LFNG: variants seen among roughly 807,000 people sequenced by gnomAD.
LFNG encodes beta-1,3-N-acetylglucosaminyltransferase lunatic fringe.
LFNG carries 15 observed loss-of-function variants against 32.7 expected under a neutral mutation model. The observed-to-expected ratio is 0.46, with a 90% confidence interval of 0.31 to 0.71. The LOEUF (loss-of-function observed/expected upper bound fraction) is 0.71, where lower values mean the gene tolerates loss of function less well. LFNG is among the 30% of genes least tolerant of loss of function. The pLI is 0.06. For missense variants in LFNG, 520 were observed against 545.7 expected (o/e 0.95, Z 0.47); for synonymous variants, 274 against 246.8 (o/e 1.11, Z -1.03).
At position 2,526,239 on chromosome 7, in the gene LFNG, C is replaced by T. The variant is rs373907631; in HGVS notation, c.822-5C>T. ...CTCACTGGTCTGGGCCCTTCCCTCC[C>T]GCAGCGGGGGTCACTTCATGAATAC... is the stretch of plus-strand genomic sequence containing the variant. On this transcript the variant is annotated splice_polypyrimidine_tract_variant and splice_region_variant and intron_variant, in intron 5 of 7. Coordinates refer to ENST00000222725, the MANE Select transcript of LFNG (RefSeq NM_001040167.2). This position sits in a 1 kb window ranked among gnomAD's most constrained non-coding sequence, Gnocchi z 6.9. 97 of 1,612,660 alleles carry T rather than the reference C, an allele frequency of 6.0e-5. No homozygotes were observed. The highest frequency in any genetic ancestry group is 1.8e-4 in the Admixed American group (11 of 60,006).
At position 2,526,758 on chromosome 7, in the gene LFNG, C is replaced by G; in HGVS notation, c.988-78C>G. 1 of 1,390,344 alleles carries G rather than the reference C, an allele frequency of 7.2e-7. No homozygotes were observed. The highest frequency in any genetic ancestry group is 1.2e-5 in the South Asian group (1 of 85,150). 86.1% of individuals were successfully genotyped at this position (1,390,344 alleles called of 1,614,324 possible). A position where few individuals can be genotyped will look rare whatever the true frequency, so the allele number is the denominator to read the frequency against. Reference sequence around the variant, plus strand: ...GCCAGGGCAGGGCCGTTGCCTCACTCAGGGCTGTGTGGCCAGCCTGGGGCG... The same window carrying G: ...GCCAGGGCAGGGCCGTTGCCTCACTGAGGGCTGTGTGGCCAGCCTGGGGCG... On this transcript the variant is annotated intron_variant, in intron 6 of 7. Coordinates refer to ENST00000222725, the MANE Select transcript of LFNG (RefSeq NM_001040167.2). This position sits in a 1 kb window ranked among gnomAD's most constrained non-coding sequence, Gnocchi z 6.9.
At chr7:2,514,655 C>T (rs13245327), upstream of LFNG, among the ~76,000 whole-genome samples, 3,888 of 151,576 alleles carry the variant, frequency 0.026, 66 homozygotes, top group Non-Finnish European at 0.038. Context: ...TCCATCCATC[C>T]GTTAGTCTGT....
chr7:2,525,994 A>G lies in LFNG; in HGVS notation c.821+224A>G, dbSNP rs1037697866. ...CAGAGCAGCCAGGGGGGCGATGAGCACCCCAGGCACCATCCGGCAGGACTC... is the reference window on the plus strand; with the variant it reads ...CAGAGCAGCCAGGGGGGCGATGAGCGCCCCAGGCACCATCCGGCAGGACTC... On this transcript the variant is annotated intron_variant, in intron 5 of 7. Transcript: ENST00000222725. 5.3e-5 allele frequency among the ~76,000 whole-genome samples: 8 copies of G among 151,274 alleles called. No homozygotes were observed. In the East Asian group the frequency reaches 1.2e-3, roughly 22 times the overall value.
intron 5 of LFNG, 46 bp downstream of exon 5, chr7:2,525,816 G>A (rs769524415): frequency 6.5e-5 from 98 of 1,512,676 alleles, no homozygotes; most frequent in East Asian, 1.1e-4. Flanking sequence ...CAGGCTCCTC[G>A]CCACTGTGGG....
upstream of LFNG, among the ~76,000 whole-genome samples, chr7:2,518,394 C>G (rs1467243656): frequency 1.3e-5 from 2 of 152,210 alleles, no homozygotes; most frequent in Non-Finnish European, 1.5e-5. Flanking sequence ...CCACACCACC[C>G]AGCGGGTACA....
rs547817664 is a variant in LFNG, at chr7:2,525,618, G to A, written c.735+51G>A. The A allele has an allele frequency of 1.8e-4, 286 of 1,611,728 alleles. 2 individuals are homozygous for A. In the South Asian group the frequency reaches 2.7e-3, roughly 15 times the overall value. On this transcript the variant is annotated intron_variant, in intron 4 of 7. Coordinates refer to ENST00000222725, the MANE Select transcript of LFNG (RefSeq NM_001040167.2). The stretch of plus-strand genomic sequence containing the variant: ...CCACGCCCACGCGGAGCGCACACCC[G>A]GAGTGGGGGTGGGACCGTGAGGGGC...
chr7:2,512,786 C>T (rs1779525445), intron 1 of LFNG: 1 of 1,189,398 alleles, frequency 8.4e-7, no homozygotes, highest in Non-Finnish European at 1.2e-6. Flanking sequence ...CTATGTCTCC[C>T]CCAGTACCCC....
At chr7:2,522,427 G>T (rs1272561142) in intron 1 of LFNG, among the ~76,000 whole-genome samples, 17 of 152,190 alleles carry the variant, frequency 1.1e-4, no homozygotes, top group Admixed American at 1.1e-3. Flanking sequence ...CTGGCCTTTG[G>T]CCCAGAGGTT....
chr7:2,517,843 C>T, upstream of LFNG: 1 of 1,228,798 alleles, frequency 8.1e-7, no homozygotes, highest in Non-Finnish European at 1.0e-6. Flanking sequence ...GGGACTTTAA[C>T]TCAGCCAGTG....
intron 1 of LFNG, among the ~76,000 whole-genome samples, chr7:2,522,617 C>T (rs1779825824): frequency 6.6e-6 from 1 of 152,214 alleles, no homozygotes; most frequent in Non-Finnish European, 1.5e-5. Flanking sequence ...CTTCCTCCTG[C>T]AGCCCCGTCT....
At chr7:2,512,588 AAGGC>A (rs1355132678) in exon 1 of LFNG, 58 of 1,438,582 alleles carry the variant, frequency 4.0e-5, no homozygotes, top group Non-Finnish European at 5.5e-5. Flanking sequence ...GACAGAGGCC[AAGGC>A]GGCTCCTGGC....
intron 1 of LFNG, 194 bp from the exon 2 acceptor site, chr7:2,524,501 G>A (rs553723931): frequency 6.4e-4 from 416 of 653,198 alleles, no homozygotes; most frequent in Middle Eastern, 2.8e-3. Flanking sequence ...GTGAGCTCTG[G>A]CCCAGATGGC....
At chr7:2,517,250 ATTC>A (rs1450727289), upstream of LFNG, among the ~76,000 whole-genome samples, 3 of 152,086 alleles carry the variant, frequency 2.0e-5, no homozygotes, top group Non-Finnish European at 2.9e-5. Context: ...ACGAAATTCC[ATTC>A]TCCTGACAGC....
At chr7:2,517,712 C>G, upstream of LFNG, 1 of 484,958 alleles carries the variant, frequency 2.1e-6, no homozygotes, top group Non-Finnish European at 4.0e-6. Context: ...AGTCCAGGTA[C>G]AGAGCACAAC....
At chr7:2,521,343 G>A (rs1311263857) in intron 1 of LFNG, among the ~76,000 whole-genome samples, 1 of 152,156 alleles carries the variant, frequency 6.6e-6, no homozygotes, top group Non-Finnish European at 1.5e-5. Context: ...GGGAGGGGGC[G>A]GCGGGGGCCG....
chr7:2,522,073 C>A (rs1210380776), intron 1 of LFNG, among the ~76,000 whole-genome samples: 2 of 152,194 alleles, frequency 1.3e-5, no homozygotes, highest in Non-Finnish European at 2.9e-5. Flanking sequence ...CCCCCTCTCC[C>A]AGCCCTGCAC....
At chr7:2,521,068 G>T (rs925791645) in intron 1 of LFNG, among the ~76,000 whole-genome samples, 11 of 152,222 alleles carry the variant, frequency 7.2e-5, no homozygotes, top group Non-Finnish European at 1.3e-4. Context: ...GAGATGCAGA[G>T]GCATTTGCTG....
chr7:2,529,078 C>T (rs538363200), downstream of LFNG: 9 of 402,476 alleles, frequency 2.2e-5, no homozygotes, highest in East Asian at 2.9e-4. The surrounding 1 kb of genome is among the most constrained non-coding windows in gnomAD (Gnocchi z 4.2). Flanking sequence ...AGAGCAGGAG[C>T]AGTGCCGGAG....
At position 2,525,668 on chromosome 7, in the gene LFNG, C is replaced by A. The variant is rs753324248; in HGVS notation, c.736-17C>A. The stretch of plus-strand genomic sequence containing the variant: ...CAGCAGCGCCTGGGTCTCAGGACAC[C>A]TTCTCCCTTCTCCCAGCGTCCTGTC... On this transcript the variant is annotated splice_polypyrimidine_tract_variant and intron_variant, in intron 4 of 7. Transcript: ENST00000222725. The A allele has an allele frequency of 1.9e-6, 3 of 1,612,290 alleles. No individual in the cohort carries two copies. The highest frequency in any genetic ancestry group is 2.5e-6 in the Non-Finnish European group (3 of 1,179,238).
Sources: allele counts gnomAD v4.1 joint callset (sites outside exome capture counted in the v4.1 genomes callset), GRCh38; gene constraint gnomAD v4.1.1; non-coding constraint Gnocchi (gnomAD v3.1); transcripts MANE v1.5; gene names NCBI Gene and HGNC (gene_info 2026-07-23, HGNC 2026-07-21).